The following TBX1 variants were observed in gnomAD, a reference collection of about 807,000 sequenced individuals.
The protein encoded by TBX1 is T-box transcription factor TBX1.
TBX1 carries 16 observed loss-of-function variants against 40.8 expected under a neutral mutation model. That is an observed-to-expected ratio of 0.39 (90% CI 0.27 to 0.60). The LOEUF (loss-of-function observed/expected upper bound fraction) is 0.60, where lower values mean the gene tolerates loss of function less well. TBX1 is among the 20% of genes least tolerant of loss of function. The pLI is 0.51. For missense variants in TBX1, 755 were observed against 728.5 expected, an observed-to-expected ratio of 1.04 and a Z score of -0.42; for synonymous variants, 403 against 336.8, an observed-to-expected ratio of 1.20 and a Z score of -2.15.
chr22:19,763,469 C>T (rs1472872167), intron 2 of TBX1, 127 bp downstream of exon 2: 4 of 784,472 alleles, frequency 5.1e-6, no homozygotes, highest in African/African-American at 3.4e-5. Context: ...CGATGCTGCC[C>T]GATCAACCCG....
At chr22:19,775,588 G>C (rs1937052258) in intron 8 of TBX1, among the ~76,000 whole-genome samples, 1 of 152,150 alleles carries the variant, frequency 6.6e-6, no homozygotes, top group Non-Finnish European at 1.5e-5. Context: ...GGTGCTTCTG[G>C]CATCTGGTGG....
intron 3 of TBX1, 112 bp from the exon 4 acceptor site, chr22:19,764,846 A>C: frequency 7.4e-7 from 1 of 1,346,054 alleles, no homozygotes; most frequent in South Asian, 1.2e-5. Flanking sequence ...GTTTTGCCCA[A>C]CTCATCCAGG....
chr22:19,768,953 C>CTTTTTTTTTTTTTTTTTT (rs36085623), downstream of TBX1, among the ~76,000 whole-genome samples: 578 of 66,096 alleles, frequency 8.7e-3, 93 homozygotes, highest in Middle Eastern at 0.017. Flanking sequence ...TGTTCGCATT[C>CTTTTTTTTTTTTTTTTTT]TTTTTTTTTT....
chr22:19,777,968 C>T lies in TBX1; in HGVS notation c.1010-1252C>T, dbSNP rs41297840. 8.6e-3 allele frequency among the ~76,000 whole-genome samples: 1,302 copies of T among 152,184 alleles called. 11 individuals are homozygous for T. Among genetic ancestry groups the T allele is most frequent in the South Asian group, 0.02 (97 of 4,810 alleles). ...GGAGATGGGATTTTGCCATGTTGCT[C>T]AGGCTGGTCTCGAACTCCTGAGCTC... On this transcript the variant is annotated intron_variant, in intron 8 of 8. Transcript: ENST00000329705.
upstream of TBX1, among the ~76,000 whole-genome samples, chr22:19,758,519 C>T (rs902702511): frequency 7.2e-5 from 11 of 152,312 alleles, no homozygotes; most frequent in African/African-American, 1.4e-4. Context: ...CGGGCCTCGG[C>T]CTCACTCTGC....
chr22:19,775,779 G>A (rs1381841566), intron 8 of TBX1, among the ~76,000 whole-genome samples: 1 of 152,176 alleles, frequency 6.6e-6, no homozygotes, highest in Admixed American at 6.5e-5. Flanking sequence ...ATGAAGCGGT[G>A]CCCCAGGGCC....
downstream of TBX1, among the ~76,000 whole-genome samples, chr22:19,769,477 G>A (rs1372965686): frequency 1.3e-5 from 2 of 152,224 alleles, no homozygotes; most frequent in Non-Finnish European, 2.9e-5. Context: ...ATGAGAGCTC[G>A]CAGGCCGGCG....
downstream of TBX1, among the ~76,000 whole-genome samples, chr22:19,767,967 C>T (rs538352475): frequency 6.6e-6 from 1 of 152,314 alleles, no homozygotes; most frequent in African/African-American, 2.4e-5. Context: ...ATGACAGTAG[C>T]CATGAGTCAT....
chr22:19,766,392 C>A lies in TBX1; in HGVS notation c.1040C>A (p.Ala347Glu), dbSNP rs1471161302. ...PTQPSGTEKDAAEARREFQRD... is the reference protein window; with the variant it reads ...PTQPSGTEKDEAEARREFQRD... ...CACTCCTCGGCCCTCTCCGCAGACG[C>A]GGCTGAGGCCCGGCGAGAATTCCAG... Residue 347 changes from alanine to glutamate, a missense_variant, in exon 7 of 7, where the codon GCG becomes GAG. Coordinates refer to ENST00000649276, the MANE Select transcript of TBX1 (RefSeq NM_001379200.1). The A allele has an allele frequency of 1.5e-6, 2 of 1,336,328 alleles. No individual in the cohort carries two copies. The highest frequency in any genetic ancestry group is 1.8e-5 in the South Asian group (1 of 56,062). 82.8% of individuals were successfully genotyped at this position (1,336,328 alleles called of 1,614,324 possible).
intron 8 of TBX1, among the ~76,000 whole-genome samples, chr22:19,777,026 T>C (rs1018207780): frequency 9.9e-5 from 15 of 152,158 alleles, no homozygotes; most frequent in Admixed American, 9.8e-4. Flanking sequence ...GCGCATGTTA[T>C]TGAACATTAA....
Position 19,766,925 on chromosome 22 carries a change from C to T in TBX1, c.*58C>T. ...GCACAGCCCCGAAGTTCGCCGGGCCCGGCCACCCTGCCCCAAGGGCAAGCA... is the reference window on the plus strand; with the variant it reads ...GCACAGCCCCGAAGTTCGCCGGGCCTGGCCACCCTGCCCCAAGGGCAAGCA... On this transcript the variant is annotated 3_prime_UTR_variant, in exon 7 of 7. Transcript: ENST00000649276. 3 of 1,565,422 alleles carry T rather than the reference C, an allele frequency of 1.9e-6. No homozygotes were observed. The highest frequency in any genetic ancestry group is 1.7e-6 in the Non-Finnish European group (2 of 1,164,724).
At chr22:19,758,352 C>T (rs1936532680), upstream of TBX1, among the ~76,000 whole-genome samples, 4 of 152,228 alleles carry the variant, frequency 2.6e-5, no homozygotes. Context: ...AGGCACAGAG[C>T]TGAGGTTGAC....
Position 19,762,168 on chromosome 22 carries a change from C to T in TBX1, c.437+888C>T, listed in dbSNP as rs1290446468. 1.3e-5 allele frequency among the ~76,000 whole-genome samples: 2 copies of T among 152,254 alleles called. 1 individual carries two copies. The highest frequency in any genetic ancestry group is 4.8e-5 in the African/African-American group (2 of 41,468). ...AGGCCCTCCTTGCTGTCCCCAGGCA[C>T]ACAGGCCCTCCTGAGGACAGCGGCA... On this transcript the variant is annotated intron_variant, in intron 1 of 6. Transcript: ENST00000649276.
At chr22:19,761,832 T>C (rs1601284867) in intron 1 of TBX1, among the ~76,000 whole-genome samples, 1 of 152,362 alleles carries the variant, frequency 6.6e-6, no homozygotes, top group African/African-American at 2.4e-5. Flanking sequence ...CCCAGTTTCC[T>C]TCAACCTAGA....
At chr22:19,759,483 G>A, upstream of TBX1, 4 of 1,445,870 alleles carry the variant, frequency 2.8e-6, no homozygotes, top group Non-Finnish European at 2.7e-6. Context: ...CGGCCAGGCC[G>A]CCGGGCGCCT....
At position 19,766,820 on chromosome 22, in the gene TBX1, T is replaced by C; in HGVS notation, c.1468T>C (p.Ser490Pro). ...AAAAAANMYS[S>P]AGAAPPGSYD... ...TGCCGCGGCCGCCAACATGTACTCG[T>C]CGGCCGGAGCCGCGCCGCCCGGCTC... Residue 490 changes from serine (S) to proline (P), a missense_variant, in exon 7 of 7, where the codon TCG becomes CCG. By Grantham distance (74) the Ser-to-Pro change is moderately conservative. Transcript: ENST00000649276. The C allele has an allele frequency of 6.4e-7, 1 of 1,556,536 alleles. No individual in the cohort carries two copies. The highest frequency in any genetic ancestry group is 8.6e-7 in the Non-Finnish European group (1 of 1,162,094).
At chr22:19,762,130 G>A (rs953461013) in intron 1 of TBX1, among the ~76,000 whole-genome samples, 1 of 152,248 alleles carries the variant, frequency 6.6e-6, no homozygotes, top group Non-Finnish European at 1.5e-5. Flanking sequence ...CTCCAGCTCT[G>A]TGGTTTTTTT....
chr22:19,761,364 G>A (rs1367698541), intron 1 of TBX1, 84 bp downstream of exon 1: 1 of 1,369,468 alleles, frequency 7.3e-7, no homozygotes, highest in Non-Finnish European at 9.5e-7. Context: ...GCGCGAGCGG[G>A]GCCGAAAGCC....
rs1168835856 is a variant in TBX1 at position 19,766,564 on chromosome 22, C to T, written c.1212C>T (p.Pro404=). 6.9e-7 allele frequency: 1 copy of T among 1,441,280 alleles called. No individual in the cohort carries two copies. The highest frequency in any genetic ancestry group is 2.4e-5 in the Admixed American group (1 of 40,970). 89.3% of individuals were successfully genotyped at this position (1,441,280 alleles called of 1,614,324 possible). ...GCGCGCCCGGAGGCCGGCCCAGTCCCCCGAACCCCGAGCTGCGCCTGGAGG... is the reference window on the plus strand; with the variant it reads ...GCGCGCCCGGAGGCCGGCCCAGTCCTCCGAACCCCGAGCTGCGCCTGGAGG... ...LPGAPGGRPS[P]PNPELRLEAP... is the part of the protein sequence containing the mutation. Residue 404 remains proline, a synonymous_variant, in exon 7 of 7, where the codon CCC becomes CCT. Transcript: ENST00000649276.
Sources: gnomAD v4.1 joint callset for allele counts (sites outside exome capture counted in the v4.1 genomes callset) on GRCh38, gnomAD v4.1.1 for gene constraint, MANE v1.5 for transcripts, NCBI Gene and HGNC (gene_info 2026-07-23, HGNC 2026-07-21) for gene names.